ADAMTSL3: variants seen among roughly 807,000 people sequenced by gnomAD.
ADAMTSL3 encodes ADAMTS-like protein 3.
A neutral mutation model predicts 201.7 loss-of-function variants in ADAMTSL3; 128 were observed. The ratio of observed to expected loss-of-function variants is 0.63; its 90% confidence interval spans 0.55 to 0.73. The LOEUF (loss-of-function observed/expected upper bound fraction) is 0.73. Ranked by LOEUF, ADAMTSL3 falls within the 30% of genes least tolerant of loss-of-function variation. The probability of loss-of-function intolerance (pLI) is 0.00; values close to 1 mark genes in which losing one functional copy is unlikely to be tolerated. For missense variants in ADAMTSL3, 1,990 were observed against 2,119.6 expected (o/e 0.94, Z 1.20); for synonymous variants, 738 against 748.4 (o/e 0.99, Z 0.23).
intron 19 of ADAMTSL3, among the ~76,000 whole-genome samples, chr15:83,949,806 C>T (rs1469117560): frequency 6.6e-6 from 1 of 152,020 alleles, no homozygotes; most frequent in Non-Finnish European, 1.5e-5. Flanking sequence ...CTTTGTTTGT[C>T]TTCTTTGGTA....
chr15:83,929,699 C>CACACACAG (rs778284936), intron 17 of ADAMTSL3, among the ~76,000 whole-genome samples: 1 of 150,224 alleles, frequency 6.7e-6, no homozygotes, highest in African/African-American at 2.5e-5. Context: ...CACACACACA[C>CACACACAG]AGAGAGAGAC....
intron 4 of ADAMTSL3, among the ~76,000 whole-genome samples, chr15:83,799,294 A>G (rs2063481368): frequency 6.6e-6 from 1 of 152,174 alleles, no homozygotes; most frequent in Non-Finnish European, 1.5e-5. Flanking sequence ...TAGGGCATTC[A>G]TGATTTAGGA....
chr15:83,690,665 C>G (rs979216622), intron 2 of ADAMTSL3, among the ~76,000 whole-genome samples: 3 of 152,156 alleles, frequency 2.0e-5, no homozygotes, highest in Non-Finnish European at 2.9e-5. Context: ...ATTTGCTTGT[C>G]TGTTTCTCAT....
chr15:83,664,273 C>G (rs1228778462), intron 2 of ADAMTSL3, among the ~76,000 whole-genome samples: 1 of 142,664 alleles, frequency 7.0e-6, no homozygotes, highest in African/African-American at 2.5e-5. Context: ...CTTTTCTTTT[C>G]GTTTTTTTTT....
chr15:84,001,752 A>G (rs1292996913), intron 23 of ADAMTSL3, among the ~76,000 whole-genome samples: 1 of 152,190 alleles, frequency 6.6e-6, no homozygotes, highest in Non-Finnish European at 1.5e-5. Flanking sequence ...GCCCCATGGT[A>G]TGAGATCCAG....
intron 28 of ADAMTSL3, among the ~76,000 whole-genome samples, chr15:84,034,936 A>G (rs542705671): frequency 6.6e-6 from 1 of 152,190 alleles, no homozygotes; most frequent in Non-Finnish European, 1.5e-5. Context: ...AGTTATGTGC[A>G]TAGTGCAGGT....
intron 4 of ADAMTSL3, among the ~76,000 whole-genome samples, chr15:83,784,940 ATT>A (rs2063236215): frequency 6.6e-6 from 1 of 152,094 alleles, no homozygotes; most frequent in South Asian, 2.1e-4. Flanking sequence ...TGTATACATT[ATT>A]TCAACACTCA....
chr15:84,012,278 G>A (rs1459407727), intron 23 of ADAMTSL3, among the ~76,000 whole-genome samples: 1 of 152,124 alleles, frequency 6.6e-6, no homozygotes, highest in Non-Finnish European at 1.5e-5. Flanking sequence ...TGGCATGGCT[G>A]CATTCCTTTT....
intron 19 of ADAMTSL3, among the ~76,000 whole-genome samples, chr15:83,955,187 C>T (rs1311503113): frequency 6.6e-6 from 1 of 152,202 alleles, no homozygotes; most frequent in Admixed American, 6.5e-5. Context: ...AGAAATCTAC[C>T]TGGTATTCTA....
chr15:84,025,271 G>T lies in ADAMTSL3; in HGVS notation c.4491G>T (p.Val1497=), dbSNP rs1273691247. 1 of 1,612,800 alleles carries T rather than the reference G, an allele frequency of 6.2e-7. No homozygotes were observed. Among genetic ancestry groups the T allele is most frequent in the South Asian group, 1.1e-5 (1 of 90,754 alleles). The change falls in exon 27 of 30, where the codon GTG becomes GTT. Residue 1497 remains valine (V), a synonymous_variant. Transcript: ENST00000286744. ...CAAGTGTGTGGTCACAGTGCTCTGT[G>T]TCTTGCGGTGAAGGATACCACAGTC... The part of the protein sequence containing the change: ...WFTSVWSQCS[V]SCGEGYHSRQ...
intron 6 of ADAMTSL3, among the ~76,000 whole-genome samples, chr15:83,835,031 G>T (rs1246136242): frequency 1.3e-5 from 2 of 152,012 alleles, no homozygotes; most frequent in East Asian, 1.9e-4. Flanking sequence ...TCAGGAGATC[G>T]AGACCATCCT....
At chr15:83,995,931 A>G (rs2141846817) in intron 23 of ADAMTSL3, among the ~76,000 whole-genome samples, 1 of 152,322 alleles carries the variant, frequency 6.6e-6, no homozygotes, top group South Asian at 2.1e-4. Context: ...AAATAAATGG[A>G]ACAGAATGCG....
At chr15:83,890,043 T>G in intron 10 of ADAMTSL3, 66 bp from the exon 11 acceptor site, 1 of 1,525,384 alleles carries the variant, frequency 6.6e-7, no homozygotes. Flanking sequence ...GTGTGGCAAG[T>G]GATAACTCTG....
intron 16 of ADAMTSL3, among the ~76,000 whole-genome samples, chr15:83,923,190 T>A (rs554784331): frequency 6.6e-6 from 1 of 152,296 alleles, no homozygotes; most frequent in South Asian, 2.1e-4. Context: ...GGCAGGGAAT[T>A]TAATTTTTAG....
intron 4 of ADAMTSL3, 47 bp from the exon 5 acceptor site, chr15:83,804,603 T>A: frequency 8.3e-7 from 1 of 1,211,720 alleles, no homozygotes; most frequent in Non-Finnish European, 1.2e-6. Context: ...TGCTTGCCTC[T>A]TCTATGAAAT....
At chr15:83,733,221 A>G (rs1056104415) in intron 3 of ADAMTSL3, among the ~76,000 whole-genome samples, 2 of 152,144 alleles carry the variant, frequency 1.3e-5, no homozygotes, top group Non-Finnish European at 2.9e-5. Flanking sequence ...CTATACACCA[A>G]CCCTCTGCAA....
chr15:83,915,721 C>T (rs776222385), intron 16 of ADAMTSL3, among the ~76,000 whole-genome samples: 2 of 152,154 alleles, frequency 1.3e-5, no homozygotes, highest in African/African-American at 4.8e-5. Context: ...CTATTATGGA[C>T]GTTGCATGTA....
chr15:83,810,095 T>C (rs74816874), intron 5 of ADAMTSL3, among the ~76,000 whole-genome samples: 8,953 of 152,226 alleles, frequency 0.059, 326 homozygotes, highest in East Asian at 0.18. Context: ...GTTCCAAACT[T>C]GAATGGGAAA....
At chr15:83,690,178 A>C (rs922506192) in intron 2 of ADAMTSL3, among the ~76,000 whole-genome samples, 1 of 152,056 alleles carries the variant, frequency 6.6e-6, no homozygotes, top group African/African-American at 2.4e-5. Context: ...CAGCGGCCTC[A>C]CTAGTTTCCC....
Sources: gnomAD v4.1 joint callset for allele counts (sites outside exome capture counted in the v4.1 genomes callset) on GRCh38, gnomAD v4.1.1 for gene constraint, MANE v1.5 for transcripts, NCBI Gene and HGNC (gene_info 2026-07-23, HGNC 2026-07-21) for gene names.